The following XIRP2 variants were observed in gnomAD, a reference collection of about 807,000 sequenced individuals.
The protein encoded by XIRP2 is xin actin-binding repeat-containing protein 2.
XIRP2 carries 236 observed loss-of-function variants against 277.0 expected under a neutral mutation model. The observed-to-expected ratio is 0.85, with a 90% CI of 0.77 to 0.95. The LOEUF (loss-of-function observed/expected upper bound fraction) is 0.95. Among genes scored for constraint, XIRP2 ranks in the 40% least tolerant of loss-of-function variants. The pLI is 0.00. For missense variants in XIRP2, 4,640 were observed against 4,157.5 expected (o/e 1.12, Z -3.19); for synonymous variants, 1,490 against 1,416.5 (o/e 1.05, Z -1.17).
At chr2:167,064,094 C>A (rs1689240104) in intron 2 of XIRP2, among the ~76,000 whole-genome samples, 1 of 151,582 alleles carries the variant, frequency 6.6e-6, no homozygotes, top group African/African-American at 2.4e-5. Context: ...ATTTTTCTCC[C>A]AGCTTTAAGA....
Position 167,184,598 on chromosome 2 carries a change from A to G in XIRP2, c.563-26137A>G, listed in dbSNP as rs1288663032. The G allele has an allele frequency of 7.0e-6, 5 of 717,356 alleles. No homozygotes were observed. In the Admixed American group the frequency reaches 8.0e-5, roughly 11 times the overall value. 44.4% of individuals were successfully genotyped at this position (717,356 alleles called of 1,614,324 possible). A position where few individuals can be genotyped will look rare whatever the true frequency, so the allele number is the denominator to read the frequency against. On this transcript the variant is annotated intron_variant, in intron 3 of 10. Transcript: ENST00000409195. ...CAGGCTCCACCTGCATCCAAAATTGACAAAGACCCCCAAGAACAGCCTCAA... is the reference window on the plus strand; with the variant it reads ...CAGGCTCCACCTGCATCCAAAATTGGCAAAGACCCCCAAGAACAGCCTCAA...
At chr2:167,225,609 A>G (rs1389888101) in intron 5 of XIRP2, among the ~76,000 whole-genome samples, 1 of 152,148 alleles carries the variant, frequency 6.6e-6, no homozygotes, top group Admixed American at 6.5e-5. Context: ...CAGATAGGCC[A>G]GCAAATACTC....
intron 2 of XIRP2, among the ~76,000 whole-genome samples, chr2:166,975,696 C>G (rs756248050): frequency 1.3e-5 from 2 of 151,918 alleles, no homozygotes; most frequent in Non-Finnish European, 2.9e-5. Flanking sequence ...GAGGCCAAGG[C>G]GGGCAGATCA....
chr2:167,020,087 T>C lies in XIRP2; in HGVS notation c.409-115822T>C, dbSNP rs189846459. ...TCAAAACTTTACACTAATCAACTTG[T>C]TTCAATCTAAATTAGAACATTTGTT... On this transcript the variant is annotated intron_variant, in intron 2 of 10. Coordinates refer to ENST00000409195, the MANE Select transcript of XIRP2 (RefSeq NM_152381.6). 2.7e-3 allele frequency among the ~76,000 whole-genome samples: 407 copies of C among 152,156 alleles called. 2 individuals carry two copies. The highest frequency in any genetic ancestry group is 9.5e-3 in the African/African-American group (394 of 41,548).
At chr2:166,968,122 G>C (rs1387748732) in intron 2 of XIRP2, among the ~76,000 whole-genome samples, 1 of 151,914 alleles carries the variant, frequency 6.6e-6, no homozygotes, top group South Asian at 2.1e-4. Flanking sequence ...GAAGGTATCA[G>C]CCATTAGAAT....
chr2:167,077,300 G>A (rs962642183), intron 2 of XIRP2, among the ~76,000 whole-genome samples: 1 of 152,110 alleles, frequency 6.6e-6, no homozygotes, highest in African/African-American at 2.4e-5. Flanking sequence ...CATTTTAATG[G>A]AAGTATGTAC....
Position 167,241,837 on chromosome 2 carries a change from A to C in XIRP2, c.1103A>C (p.Gln368Pro). 1 of 1,613,762 alleles carries C rather than the reference A, an allele frequency of 6.2e-7. No homozygotes were observed. The highest frequency in any genetic ancestry group is 8.5e-7 in the Non-Finnish European group (1 of 1,179,784). Reference sequence around the variant, plus strand: ...GTTTCGACTAAGTTGTTAAAAGAGCAGTTTGAAAAGTCTGCCCAGGAAAAG... The same window carrying C: ...GTTTCGACTAAGTTGTTAAAAGAGCCGTTTGAAAAGTCTGCCCAGGAAAAG... ...PKVSTKLLKE[Q>P]FEKSAQEKIL... Residue 368 changes from glutamine to proline, a missense_variant, in exon 8 of 11, where the codon CAG becomes CCG. Gln to Pro is a moderately conservative substitution (Grantham distance 76). Transcript: ENST00000409195.
chr2:167,097,568 T>C (rs1158479342), intron 2 of XIRP2, among the ~76,000 whole-genome samples: 1 of 152,188 alleles, frequency 6.6e-6, no homozygotes, highest in Non-Finnish European at 1.5e-5. Flanking sequence ...ACTTTGATAT[T>C]GTTATGTGTG....
rs531901780 is a variant in XIRP2, at chr2:167,088,285, G to T, written c.409-47624G>T. ...TAATTTTTCATTATCTTTTATCCTA[G>T]CCACCTCTTAGGCGCTCTTCAGGAC... On this transcript the variant is annotated intron_variant, in intron 2 of 10. Transcript: ENST00000409195. Among the ~76,000 whole-genome samples the T allele has an allele frequency of 3.9e-5, 6 of 152,018 alleles. No individual in the cohort carries two copies. The East Asian group carries it at 9.7e-4, about 25-fold the overall frequency.
chr2:166,929,536 TA>T (rs1389138001), intron 2 of XIRP2, among the ~76,000 whole-genome samples: 1 of 152,184 alleles, frequency 6.6e-6, no homozygotes, highest in Admixed American at 6.6e-5. Flanking sequence ...TGGATCTTTA[TA>T]GTGGTATATT....
intron 2 of XIRP2, among the ~76,000 whole-genome samples, chr2:166,973,339 G>A (rs1686626012): frequency 6.6e-6 from 1 of 152,140 alleles, no homozygotes; most frequent in African/African-American, 2.4e-5. Flanking sequence ...TGTCCAACTA[G>A]TAAGAGCTTC....
In XIRP2 at chr2:167,246,603, C is replaced by T. The variant is rs767816879; in HGVS notation, c.5211C>T (p.Ala1737=). The part of the protein sequence containing the change: ...NKISERAKID[A]SERGNVQFFT... ...TATCTGAAAGGGCTAAAATTGATGCCTCTGAGAGAGGAAATGTTCAGTTTT... is the reference window on the plus strand; with the variant it reads ...TATCTGAAAGGGCTAAAATTGATGCTTCTGAGAGAGGAAATGTTCAGTTTT... The change falls in exon 9 of 11, where the codon GCC becomes GCT. Residue 1737 remains alanine, a synonymous_variant. Transcript: ENST00000409195. 1.2e-6 allele frequency: 2 copies of T among 1,613,750 alleles called. No individual in the cohort carries two copies. The highest frequency in any genetic ancestry group is 4.5e-5 in the East Asian group (2 of 44,826).
At chr2:166,966,345 C>T (rs2105414138) in intron 2 of XIRP2, among the ~76,000 whole-genome samples, 1 of 151,816 alleles carries the variant, frequency 6.6e-6, no homozygotes, top group South Asian at 2.1e-4. Context: ...CTTATAAATA[C>T]AAATAGCCAA....
At chr2:166,938,222 G>T (rs987530493) in intron 2 of XIRP2, among the ~76,000 whole-genome samples, 7 of 152,130 alleles carry the variant, frequency 4.6e-5, no homozygotes, top group Non-Finnish European at 8.8e-5. Context: ...GCTTTCTCTT[G>T]TGGGCATTTA....
intron 3 of XIRP2, among the ~76,000 whole-genome samples, chr2:167,187,100 C>T (rs564715552): frequency 4.3e-4 from 66 of 152,184 alleles, no homozygotes; most frequent in African/African-American, 1.3e-3. Flanking sequence ...TTTTCCTCAT[C>T]GGCACTGGTT....
At chr2:166,917,512 G>A (rs138661141) in intron 2 of XIRP2, among the ~76,000 whole-genome samples, 15 of 152,004 alleles carry the variant, frequency 9.9e-5, no homozygotes, top group African/African-American at 3.6e-4. Context: ...GAAATAGCTG[G>A]CAAAACTCCC....
rs768856221 is a variant in XIRP2 at position 166,903,840 on chromosome 2, G to A, written c.358G>A (p.Val120Met). 4.3e-6 allele frequency: 7 copies of A among 1,613,532 alleles called. No homozygotes were observed. The highest frequency in any genetic ancestry group is 1.3e-5 in the African/African-American group (1 of 74,902). ...CATTGCCCTTGATGAGCTGAGGAGT[G>A]TGTTTGAGGCTCCTAAGAGTGGAAA... is the stretch of plus-strand genomic sequence containing the variant. ...FSIALDELRS[V>M]FEAPKSGNKP... Residue 120 changes from valine to methionine, a missense_variant, in exon 2 of 11, where the codon GTG becomes ATG. Val to Met is a conservative substitution (Grantham distance 21). Coordinates refer to ENST00000409195, the MANE Select transcript of XIRP2 (RefSeq NM_152381.6).
intron 2 of XIRP2, among the ~76,000 whole-genome samples, chr2:167,101,772 T>C (rs1690495170): frequency 6.6e-6 from 1 of 152,228 alleles, no homozygotes. Flanking sequence ...TTAATTTATA[T>C]ATTGTTTTGC....
At chr2:167,253,888 C>G (rs1313080171) in intron 9 of XIRP2, 144 bp from the exon 10 acceptor site, 2 of 882,896 alleles carry the variant, frequency 2.3e-6, no homozygotes, top group Admixed American at 6.6e-5. Context: ...TAGTCTCTGT[C>G]CAGAGAAACA....
Sources: gnomAD v4.1 joint callset for allele counts (sites outside exome capture counted in the v4.1 genomes callset) on GRCh38, gnomAD v4.1.1 for gene constraint, MANE v1.5 for transcripts, NCBI Gene and HGNC (gene_info 2026-07-23, HGNC 2026-07-21) for gene names.